C8orf34: variants seen among roughly 807,000 people sequenced by gnomAD.
C8orf34 encodes the protein chromosome 8 open reading frame 34.
Under a neutral mutation model 68.3 loss-of-function variants are expected in C8orf34, and 65 were observed. That is an observed-to-expected ratio of 0.95 (90% confidence interval 0.78 to 1.17). C8orf34 has a LOEUF of 1.17. C8orf34 is among the 50% of genes most tolerant of loss of function. The pLI is 0.00. For synonymous variants in C8orf34, 244 were observed against 241.2 expected, an observed-to-expected ratio of 1.01 and a Z score of -0.11; for missense variants, 664 against 655.4, an observed-to-expected ratio of 1.01 and a Z score of -0.14.
chr8:68,693,639 C>A (rs927160260), intron 8 of C8orf34, among the ~76,000 whole-genome samples: 3 of 152,006 alleles, frequency 2.0e-5, no homozygotes, highest in Non-Finnish European at 4.4e-5. Flanking sequence ...GTTTGATACC[C>A]AAAACATATT....
chr8:68,699,040 T>C (rs1431224716), intron 8 of C8orf34, among the ~76,000 whole-genome samples: 2 of 152,060 alleles, frequency 1.3e-5, no homozygotes, highest in African/African-American at 4.8e-5. Context: ...GCAATATCAG[T>C]ATCATCTGGA....
At chr8:68,799,513 C>T (rs1401223426) in intron 12 of C8orf34, among the ~76,000 whole-genome samples, 15 of 152,126 alleles carry the variant, frequency 9.9e-5, no homozygotes, top group Admixed American at 9.8e-4. Context: ...AAGCATTGAC[C>T]TGCTTCACCT....
chr8:68,619,358 G>A (rs138557394), intron 7 of C8orf34, among the ~76,000 whole-genome samples: 18 of 152,134 alleles, frequency 1.2e-4, no homozygotes, highest in Admixed American at 4.6e-4. Context: ...ATAAAGGAGA[G>A]GTTGAATTTT....
intron 1 of C8orf34, among the ~76,000 whole-genome samples, chr8:68,417,775 G>A (rs1486461163): frequency 6.6e-6 from 1 of 152,064 alleles, no homozygotes; most frequent in African/African-American, 2.4e-5. Flanking sequence ...TTGGCGATGC[G>A]GGCTCTTTTT....
Position 68,787,506 on chromosome 8 carries a change from A to G in C8orf34, c.1519A>G (p.Ser507Gly). The G allele has an allele frequency of 6.2e-7, 1 of 1,612,294 alleles. No homozygotes were observed. Among genetic ancestry groups the G allele is most frequent in the Non-Finnish European group, 8.5e-7 (1 of 1,178,836 alleles). Reference protein sequence around the residue: ...QPWILPSDTESEGVEAEQEKR... With the variant: ...QPWILPSDTEGEGVEAEQEKR... Reference sequence around the variant, plus strand: ...ATGGATCTTGCCAAGTGACACAGAAAGTGAAGGAGTGGAAGCAGAACAAGA... The same window carrying G: ...ATGGATCTTGCCAAGTGACACAGAAGGTGAAGGAGTGGAAGCAGAACAAGA... The change falls in exon 12 of 14, where the codon AGT becomes GGT. Residue 507 changes from serine to glycine, a missense_variant. Ser to Gly is a moderately conservative substitution (Grantham distance 56). Coordinates refer to ENST00000518698, the MANE Select transcript of C8orf34 (RefSeq NM_052958.4).
chr8:68,797,239 T>C (rs1297706711), intron 12 of C8orf34, among the ~76,000 whole-genome samples: 1 of 152,202 alleles, frequency 6.6e-6, no homozygotes, highest in Non-Finnish European at 1.5e-5. Context: ...GAGAGGCTAA[T>C]CTAATCTAAT....
chr8:68,762,762 A>G (rs947338877), intron 10 of C8orf34, among the ~76,000 whole-genome samples: 1 of 152,208 alleles, frequency 6.6e-6, no homozygotes, highest in Non-Finnish European at 1.5e-5. Context: ...AGGGTCTCAA[A>G]GTAAGCTTTG....
chr8:68,668,107 G>T (rs1819895852), intron 8 of C8orf34, among the ~76,000 whole-genome samples: 1 of 151,934 alleles, frequency 6.6e-6, no homozygotes, highest in African/African-American at 2.4e-5. Flanking sequence ...CCTTTTGAAA[G>T]TATAAATTTA....
At chr8:68,360,897 C>T (rs760186472) in intron 1 of C8orf34, among the ~76,000 whole-genome samples, 43 of 151,598 alleles carry the variant, frequency 2.8e-4, no homozygotes, top group African/African-American at 7.0e-4. Flanking sequence ...GCATTACAGA[C>T]GTGCACCACC....
chr8:68,500,948 G>A (rs113078013), intron 5 of C8orf34, among the ~76,000 whole-genome samples: 3,059 of 152,206 alleles, frequency 0.02, 106 homozygotes, highest in African/African-American at 0.07. Flanking sequence ...ATTTGCCATG[G>A]CTGAACACTT....
At chr8:68,463,334 G>C (rs1166369475) in intron 3 of C8orf34, among the ~76,000 whole-genome samples, 8 of 151,022 alleles carry the variant, frequency 5.3e-5, no homozygotes, top group African/African-American at 1.2e-4. Context: ...AGGACCAGAT[G>C]GATTCACAGC....
intron 12 of C8orf34, among the ~76,000 whole-genome samples, chr8:68,814,556 C>T (rs539699208): frequency 2.0e-5 from 3 of 152,266 alleles, no homozygotes; most frequent in East Asian, 3.9e-4. Flanking sequence ...TTTTGTAGTT[C>T]CTATTCATCT....
chr8:68,488,987 CG>C (rs1813195578), intron 5 of C8orf34, among the ~76,000 whole-genome samples: 1 of 124,874 alleles, frequency 8.0e-6, no homozygotes, highest in African/African-American at 2.9e-5. Context: ...AACGAATTTA[CG>C]TTTTTTTTTA....
At chr8:68,540,804 T>G (rs900343854) in intron 7 of C8orf34, among the ~76,000 whole-genome samples, 7 of 151,920 alleles carry the variant, frequency 4.6e-5, no homozygotes, top group African/African-American at 1.5e-4. Context: ...ATCACGCCAC[T>G]GCACTCCAGC....
chr8:68,343,077 C>T (rs1585948712), intron 1 of C8orf34, among the ~76,000 whole-genome samples: 1 of 152,078 alleles, frequency 6.6e-6, no homozygotes, highest in Non-Finnish European at 1.5e-5. Flanking sequence ...GGGGAGACTA[C>T]TTGTATAAAC....
chr8:68,439,907 A>G (rs1358677486), intron 2 of C8orf34, among the ~76,000 whole-genome samples: 12 of 152,220 alleles, frequency 7.9e-5, no homozygotes, highest in African/African-American at 2.7e-4. Flanking sequence ...AAAAGATTTT[A>G]TCCTGTATAA....
chr8:68,395,361 T>TCACACA (rs61037782), intron 1 of C8orf34, among the ~76,000 whole-genome samples: 40 of 77,776 alleles, frequency 5.1e-4, no homozygotes, highest in Admixed American at 1.7e-3. Context: ...TGTGTGTCTC[T>TCACACA]CACACACACA....
intron 5 of C8orf34, among the ~76,000 whole-genome samples, chr8:68,505,241 T>C (rs188765775): frequency 1.3e-5 from 2 of 152,344 alleles, no homozygotes; most frequent in Non-Finnish European, 2.9e-5. Flanking sequence ...GAGAGTGAAG[T>C]AGTATTTCAT....
At position 68,434,171 on chromosome 8, in the gene C8orf34, G is replaced by A. The variant is rs146690185; in HGVS notation, c.328-5328G>A. ...CTTTAAGTTCTGGGGTACATGTACA[G>A]AACGTGCAGGTTTGTTACATAGGTA... On this transcript the variant is annotated intron_variant, in intron 1 of 13. Coordinates refer to ENST00000518698, the MANE Select transcript of C8orf34 (RefSeq NM_052958.4). 6.8e-3 allele frequency among the ~76,000 whole-genome samples: 1,042 copies of A among 152,238 alleles called. 36 individuals carry two copies. In the East Asian group the frequency reaches 0.11, roughly 15 times the overall value.
Sources: gnomAD v4.1 joint callset for allele counts (sites outside exome capture counted in the v4.1 genomes callset) on GRCh38, gnomAD v4.1.1 for gene constraint, MANE v1.5 for transcripts, NCBI Gene and HGNC (gene_info 2026-07-23, HGNC 2026-07-21) for gene names.